PAX5: variants seen among roughly 807,000 people sequenced by gnomAD.
PAX5 encodes the protein paired box protein Pax-5.
PAX5 carries 9 observed loss-of-function variants against 43.7 expected under a neutral mutation model. The ratio of observed to expected loss-of-function variants is 0.21; its 90% confidence interval spans 0.12 to 0.36. PAX5 has a LOEUF of 0.36. Ranked by LOEUF, PAX5 falls within the 10% of genes least tolerant of loss-of-function variation. PAX5 has a pLI of 1.00. For synonymous variants in PAX5, 228 were observed against 214.3 expected (o/e 1.06, Z -0.56); for missense variants, 383 against 532.7 (o/e 0.72, Z 2.77).
Position 36,886,808 on chromosome 9 carries a change from T to C in PAX5, c.911-4703A>G, listed in dbSNP as rs567331371. Among the ~76,000 whole-genome samples, 307 of 152,338 alleles carry C rather than the reference T, an allele frequency of 2.0e-3. 2 individuals are homozygous for C. The highest frequency in any genetic ancestry group is 9.3e-3 in the South Asian group (45 of 4,828). On this transcript the variant is annotated intron_variant, in intron 7 of 9. Transcript: ENST00000358127. ...TTTGCATTCCTAACATAATTCCTCCTATTAATGGCACGTAAGTACATCTTT... is the reference window on the plus strand; with the variant it reads ...TTTGCATTCCTAACATAATTCCTCCCATTAATGGCACGTAAGTACATCTTT...
At chr9:37,008,702 C>T (rs539479035) in intron 3 of PAX5, among the ~76,000 whole-genome samples, 27 of 152,288 alleles carry the variant, frequency 1.8e-4, no homozygotes, top group African/African-American at 6.5e-4. Flanking sequence ...GCCTCTTGCC[C>T]TTTTCTAATC....
At chr9:36,992,780 T>C (rs928527173) in intron 5 of PAX5, among the ~76,000 whole-genome samples, 17 of 152,214 alleles carry the variant, frequency 1.1e-4, no homozygotes, top group South Asian at 2.1e-4. Context: ...CTTATCTATA[T>C]GAGTGATAAG....
At chr9:36,861,639 G>C (rs192168554) in intron 8 of PAX5, among the ~76,000 whole-genome samples, 1 of 151,998 alleles carries the variant, frequency 6.6e-6, no homozygotes, top group African/African-American at 2.4e-5. Context: ...TAAGCAGAAG[G>C]AACAGCAAGT....
chr9:37,017,906 C>T (rs1839526867), intron 2 of PAX5, among the ~76,000 whole-genome samples: 1 of 152,238 alleles, frequency 6.6e-6, no homozygotes, highest in South Asian at 2.1e-4. Flanking sequence ...TAATAACTAT[C>T]CTTTCATCTC....
chr9:36,859,765 T>G (rs895648757), intron 8 of PAX5, among the ~76,000 whole-genome samples: 1 of 152,166 alleles, frequency 6.6e-6, no homozygotes, highest in Non-Finnish European at 1.5e-5. Flanking sequence ...CTGGGTGTAG[T>G]GGTTCACACC....
chr9:36,838,027 CA>C lies in PAX5; in HGVS notation c.*2532del, dbSNP rs1821764085. 1 of 233,288 alleles carries C rather than the reference CA, an allele frequency of 4.3e-6. No individual in the cohort carries two copies. Among genetic ancestry groups the C allele is most frequent in the Non-Finnish European group, 8.5e-6 (1 of 118,104 alleles). 14.5% of individuals were successfully genotyped at this position (233,288 alleles called of 1,614,324 possible). The stretch of plus-strand genomic sequence containing the variant: ...AGTCTGTGCTGAAGACCCCTGACCC[CA>C]CCACTTCCTGCTAAATGGAGGGAGG... On this transcript the variant is annotated 3_prime_UTR_variant, in exon 10 of 10. Coordinates refer to ENST00000358127, the MANE Select transcript of PAX5 (RefSeq NM_016734.3).
intron 5 of PAX5, among the ~76,000 whole-genome samples, chr9:36,967,463 C>T (rs976820807): frequency 2.0e-5 from 3 of 152,188 alleles, no homozygotes; most frequent in African/African-American, 7.2e-5. Flanking sequence ...GGTTGGTTAA[C>T]TCAGCCAGGC....
chr9:37,009,169 T>C (rs1460893089), intron 3 of PAX5, among the ~76,000 whole-genome samples: 2 of 152,240 alleles, frequency 1.3e-5, no homozygotes, highest in South Asian at 2.1e-4. Flanking sequence ...GTTATAAATA[T>C]CACTGGGAAA....
chr9:36,951,576 A>G (rs921799445), intron 6 of PAX5, among the ~76,000 whole-genome samples: 13 of 152,206 alleles, frequency 8.5e-5, no homozygotes, highest in Admixed American at 2.6e-4. Flanking sequence ...TTCCTCTCTC[A>G]GTCCTTGCAA....
At chr9:36,956,435 T>C (rs1833482213) in intron 6 of PAX5, among the ~76,000 whole-genome samples, 1 of 152,184 alleles carries the variant, frequency 6.6e-6, no homozygotes, top group Non-Finnish European at 1.5e-5. Flanking sequence ...ACTCACAGAA[T>C]GTTAGAGCTA....
At chr9:36,852,786 G>A (rs1189248921) in intron 8 of PAX5, among the ~76,000 whole-genome samples, 1 of 152,084 alleles carries the variant, frequency 6.6e-6, no homozygotes, top group East Asian at 2.0e-4. Flanking sequence ...ATCAGGCCTG[G>A]GATGAACTTT....
chr9:36,998,351 G>T (rs1019471832), intron 5 of PAX5, among the ~76,000 whole-genome samples: 4 of 152,222 alleles, frequency 2.6e-5, no homozygotes, highest in African/African-American at 9.6e-5. Flanking sequence ...TAGTTAGTTT[G>T]TTTGTCTTTG....
At chr9:36,891,441 C>T (rs767182138) in intron 7 of PAX5, among the ~76,000 whole-genome samples, 3 of 152,230 alleles carry the variant, frequency 2.0e-5, no homozygotes, top group South Asian at 2.1e-4. Flanking sequence ...CAGGCTTATT[C>T]GTTCCAGCTG....
chr9:36,919,500 A>G (rs1587969557), intron 7 of PAX5, among the ~76,000 whole-genome samples: 1 of 152,354 alleles, frequency 6.6e-6, no homozygotes, highest in East Asian at 1.9e-4. Context: ...TGGGCAAAGT[A>G]CATTAAAAAC....
rs781174014 is a variant in PAX5, at chr9:37,033,975, C to A, written c.46+11G>T. 1 of 1,611,474 alleles carries A rather than the reference C, an allele frequency of 6.2e-7. No individual in the cohort carries two copies. On this transcript the variant is annotated intron_variant, in intron 1 of 9. Coordinates refer to ENST00000358127, the MANE Select transcript of PAX5 (RefSeq NM_016734.3). The stretch of plus-strand genomic sequence containing the variant: ...GAGTTTGCACATCTGGAGCCCGTAT[C>A]GCGGTCCTACCTGTCCTGCTGGTCC...
intron 7 of PAX5, among the ~76,000 whole-genome samples, chr9:36,913,367 T>C (rs13289897): frequency 2.0e-3 from 302 of 152,344 alleles, no homozygotes; most frequent in Non-Finnish European, 2.3e-3. Context: ...GCCAGCAAGA[T>C]ACAGTCTGGC....
At position 36,838,745 on chromosome 9, in the gene PAX5, GC is replaced by G. The variant is rs957088623; in HGVS notation, c.*1814del. On this transcript the variant is annotated 3_prime_UTR_variant, in exon 10 of 10. Transcript: ENST00000358127. ...GCCTGCCCCAGATGATCCTCTCACAGCCCCGGCTCCCTGGAGAGAGGAGGGG... is the reference window on the plus strand; with the variant it reads ...GCCTGCCCCAGATGATCCTCTCACAGCCCGGCTCCCTGGAGAGAGGAGGGG... 1.3e-5 allele frequency: 3 copies of G among 233,264 alleles called. No individual in the cohort carries two copies. The highest frequency in any genetic ancestry group is 6.6e-5 in the African/African-American group (3 of 45,348). The allele number at this position is 233,264 out of a possible 1,614,324, so 14.4% of individuals were successfully genotyped here.
chr9:36,900,309 G>A (rs1828264534), intron 7 of PAX5, among the ~76,000 whole-genome samples: 1 of 152,182 alleles, frequency 6.6e-6, no homozygotes. Context: ...TGCTGAGGCG[G>A]AGGTCCTAGT....
intron 8 of PAX5, among the ~76,000 whole-genome samples, chr9:36,854,375 C>T (rs938099977): frequency 1.3e-5 from 2 of 152,200 alleles, no homozygotes; most frequent in African/African-American, 2.4e-5. Context: ...TGTATGTATA[C>T]GTAATAATAT....
Sources: allele counts gnomAD v4.1 joint callset (sites outside exome capture counted in the v4.1 genomes callset), GRCh38; gene constraint gnomAD v4.1.1; transcripts MANE v1.5; gene names NCBI Gene and HGNC (gene_info 2026-07-23, HGNC 2026-07-21).